MYO1H: variants seen among roughly 807,000 people sequenced by gnomAD.
MYO1H encodes the protein unconventional myosin-Ih.
MYO1H carries 118 observed loss-of-function variants against 149.3 expected under a neutral mutation model. The ratio of observed to expected loss-of-function variants is 0.79; its 90% CI spans 0.68 to 0.92. The LOEUF is 0.92. Ranked by LOEUF, MYO1H falls within the 40% of genes least tolerant of loss-of-function variation. MYO1H has a pLI of 0.00. For missense variants in MYO1H, 1,212 were observed against 1,280.7 expected (o/e 0.95, Z 0.82); for synonymous variants, 447 against 465.2 (o/e 0.96, Z 0.50).
chr12:109,430,975 A>G (rs558401939), intron 19 of MYO1H, among the ~76,000 whole-genome samples: 30 of 151,984 alleles, frequency 2.0e-4, no homozygotes, highest in Admixed American at 1.8e-3. Flanking sequence ...CGGATTTTAG[A>G]ACGTGGGAGG....
intron 1 of MYO1H, among the ~76,000 whole-genome samples, chr12:109,369,623 TATC>T (rs1868940725): frequency 6.6e-6 from 1 of 152,208 alleles, no homozygotes; most frequent in African/African-American, 2.4e-5. Context: ...TATGGCCAGA[TATC>T]ATGGGAACCA....
intron 19 of MYO1H, among the ~76,000 whole-genome samples, chr12:109,428,476 G>A (rs372853420): frequency 3.9e-5 from 6 of 152,232 alleles, no homozygotes; most frequent in African/African-American, 7.2e-5. Flanking sequence ...CTATTTCTAC[G>A]CCTACTCTCA....
intron 1 of MYO1H, among the ~76,000 whole-genome samples, chr12:109,375,703 A>C (rs11066440): frequency 0.36 from 54,314 of 152,016 alleles, 10,039 homozygotes; most frequent in Admixed American, 0.45. Flanking sequence ...CCTGGCTAGG[A>C]ATAGTGGCTC....
chr12:109,377,591 A>T (rs1385939453), intron 1 of MYO1H, among the ~76,000 whole-genome samples: 2 of 152,296 alleles, frequency 1.3e-5, no homozygotes, highest in South Asian at 2.1e-4. Context: ...ACCATACCCA[A>T]ACCAAAGCAT....
At chr12:109,446,508 A>T in intron 31 of MYO1H, 11 of 977,208 alleles carry the variant, frequency 1.1e-5, no homozygotes, top group Non-Finnish European at 1.3e-5. Context: ...TCACGCCTAT[A>T]ATCCCAGCAC....
chr12:109,363,452 G>A (rs887553927), intron 1 of MYO1H, among the ~76,000 whole-genome samples: 4 of 152,154 alleles, frequency 2.6e-5, no homozygotes, highest in African/African-American at 4.8e-5. Flanking sequence ...GGTGGCTCAC[G>A]CCTGTAATCC....
the MYO1H span, among the ~76,000 whole-genome samples, chr12:109,320,341 G>T: frequency 6.6e-6 from 1 of 151,316 alleles, no homozygotes; most frequent in Non-Finnish European, 1.5e-5. Context: ...CAGACGTGGT[G>T]GCTCACACCT....
At chr12:109,365,586 T>A (rs2137009872) in intron 1 of MYO1H, among the ~76,000 whole-genome samples, 1 of 152,336 alleles carries the variant, frequency 6.6e-6, no homozygotes, top group African/African-American at 2.4e-5. Context: ...CTGTTGATTT[T>A]GAATCCTGCC....
At chr12:109,329,284 C>T in the MYO1H span, among the ~76,000 whole-genome samples, 4 of 152,104 alleles carry the variant, frequency 2.6e-5, no homozygotes, top group Admixed American at 1.3e-4. Flanking sequence ...ATATTGTCCA[C>T]GGCTGCTTTT....
At chr12:109,318,960 G>GTTTTTT in the MYO1H span, among the ~76,000 whole-genome samples, 7 of 77,946 alleles carry the variant, frequency 9.0e-5, no homozygotes, top group East Asian at 1.2e-3. Flanking sequence ...AACTCTCTGC[G>GTTTTTT]TTTTTGGTTT....
chr12:109,427,629 T>C (rs1871408628), intron 19 of MYO1H, 43 bp downstream of exon 19: 2 of 1,328,500 alleles, frequency 1.5e-6, no homozygotes, highest in Non-Finnish European at 1.1e-6. Context: ...GTCATGTGCC[T>C]ACTACATGAG....
intron 1 of MYO1H, among the ~76,000 whole-genome samples, chr12:109,358,250 A>AT (rs928016219): frequency 6.6e-6 from 1 of 152,068 alleles, no homozygotes; most frequent in Non-Finnish European, 1.5e-5. Flanking sequence ...GACACAAGTC[A>AT]TTTTTTTAGA....
chr12:109,434,760 G>A lies in MYO1H; in HGVS notation c.2064-277G>A, dbSNP rs142808726. Reference sequence around the variant, plus strand: ...TGGTGGCTCCTGGCATTGCTTAGCTGTAGCCGTGTCCCTCCAATCTCTGCC... The same window carrying A: ...TGGTGGCTCCTGGCATTGCTTAGCTATAGCCGTGTCCCTCCAATCTCTGCC... On this transcript the variant is annotated intron_variant, in intron 20 of 31. Transcript: ENST00000310903. Among the ~76,000 whole-genome samples the A allele has an allele frequency of 6.4e-4, 97 of 152,286 alleles. No individual in the cohort carries two copies. The East Asian group carries it at 0.012, about 19-fold the overall frequency.
chr12:109,396,528 C>T, exon 4 of MYO1H: 2 of 1,613,892 alleles, frequency 1.2e-6, no homozygotes, highest in South Asian at 2.2e-5. Flanking sequence ...GCCCAATGAC[C>T]CAGTCACTAC....
intron 19 of MYO1H, among the ~76,000 whole-genome samples, chr12:109,432,470 T>G (rs539733461): frequency 3.5e-4 from 53 of 152,356 alleles, no homozygotes; most frequent in African/African-American, 1.2e-3. Flanking sequence ...TTTGTTTGTC[T>G]GTTCAGTTTT....
chr12:109,425,858 C>T, intron 17 of MYO1H, 88 bp from the exon 18 acceptor site: 1 of 957,702 alleles, frequency 1.0e-6, no homozygotes, highest in South Asian at 1.4e-5. Context: ...GGGCTGACAC[C>T]TTGAGCCCTG....
chr12:109,417,276 A>T (rs973055956), intron 15 of MYO1H, among the ~76,000 whole-genome samples: 10 of 152,184 alleles, frequency 6.6e-5, no homozygotes, highest in African/African-American at 2.2e-4. Flanking sequence ...GCAGTATATG[A>T]GGGGTTCCAA....
upstream of MYO1H, among the ~76,000 whole-genome samples, chr12:109,347,667 G>A (rs1868365137): frequency 6.6e-6 from 1 of 151,816 alleles, no homozygotes; most frequent in South Asian, 2.1e-4. Flanking sequence ...GACTGGTCAG[G>A]AACATAAGCA....
chr12:109,310,749 G>A, the MYO1H span, among the ~76,000 whole-genome samples: 1 of 152,156 alleles, frequency 6.6e-6, no homozygotes, highest in Non-Finnish European at 1.5e-5. Flanking sequence ...ATGGTTTTCT[G>A]GTAGCACCTG....
Sources: allele counts gnomAD v4.1 joint callset (sites outside exome capture counted in the v4.1 genomes callset), GRCh38; gene constraint gnomAD v4.1.1; transcripts MANE v1.5; gene names NCBI Gene and HGNC (gene_info 2026-07-23, HGNC 2026-07-21).